The following XYLT1 variants were observed in gnomAD, a reference collection of about 807,000 sequenced individuals.
The protein encoded by XYLT1 is xylosyltransferase 1, also known as beta-D-xylosyltransferase 1.
XYLT1 carries 36 observed loss-of-function variants against 91.3 expected under a neutral mutation model. The ratio of observed to expected loss-of-function variants is 0.39; its 90% CI spans 0.30 to 0.52. XYLT1 has a LOEUF of 0.52. Ranked by LOEUF, XYLT1 falls within the 20% of genes least tolerant of loss-of-function variation. XYLT1 has a pLI of 0.68. For synonymous variants in XYLT1, 588 were observed against 532.0 expected (o/e 1.11, Z -1.45); for missense variants, 1,242 against 1,284.5 (o/e 0.97, Z 0.51).
Position 17,181,515 on chromosome 16 carries a change from T to A in XYLT1, c.1289+16697A>T, listed in dbSNP as rs1041292377. 2.6e-5 allele frequency among the ~76,000 whole-genome samples: 4 copies of A among 152,158 alleles called. No homozygotes were observed. In the South Asian group the frequency reaches 8.3e-4, roughly 32 times the overall value. On this transcript the variant is annotated intron_variant, in intron 5 of 11. Coordinates refer to ENST00000261381, the MANE Select transcript of XYLT1 (RefSeq NM_022166.4). ...TGTTAAAAAATGCCCAATTCCGGAT[T>A]AGGTCCTGTGTTCCACTATCTTTCA...
chr16:17,172,113 G>C (rs2031833927), intron 5 of XYLT1, among the ~76,000 whole-genome samples: 1 of 152,184 alleles, frequency 6.6e-6, no homozygotes, highest in Non-Finnish European at 1.5e-5. Flanking sequence ...TGGGTACTCG[G>C]TGTACAGTAA....
rs559235806 is a variant in XYLT1, at chr16:17,369,383, G to GA, written c.364-11334dup. On this transcript the variant is annotated intron_variant, in intron 1 of 11. Coordinates refer to ENST00000261381, the MANE Select transcript of XYLT1 (RefSeq NM_022166.4). ...GATATTCTGATTTGTGGCTTTTCGT[G>GA]AAATGTGGAAAGATCTGACCCACTG... Among the ~76,000 whole-genome samples the GA allele has an allele frequency of 8.7e-4, 133 of 152,194 alleles. 1 individual carries two copies. Among genetic ancestry groups the GA allele is most frequent in the African/African-American group, 3.1e-3 (129 of 41,530 alleles).
chr16:17,410,450 G>A (rs758408291), intron 1 of XYLT1, among the ~76,000 whole-genome samples: 45 of 152,012 alleles, frequency 3.0e-4, no homozygotes, highest in Non-Finnish European at 5.6e-4. Context: ...GAGCTTGTGC[G>A]GGAAATTTCC....
chr16:17,401,703 TG>T (rs2035970862), intron 1 of XYLT1, among the ~76,000 whole-genome samples: 1 of 151,590 alleles, frequency 6.6e-6, no homozygotes, highest in Non-Finnish European at 1.5e-5. Context: ...TTAGTGGCTA[TG>T]GTTATTATTA....
chr16:17,377,151 T>C (rs2035612664), intron 1 of XYLT1, among the ~76,000 whole-genome samples: 1 of 115,398 alleles, frequency 8.7e-6, no homozygotes, highest in Non-Finnish European at 1.7e-5. Flanking sequence ...CACTCCAGCC[T>C]AGGTGACAGA....
chr16:17,111,595 G>C (rs1242954584), intron 11 of XYLT1, among the ~76,000 whole-genome samples: 1 of 152,194 alleles, frequency 6.6e-6, no homozygotes, highest in Admixed American at 6.5e-5. Flanking sequence ...CAAGTGTCCA[G>C]AGCAGGCAAG....
At chr16:17,142,241 C>T (rs944244014) in intron 6 of XYLT1, among the ~76,000 whole-genome samples, 2 of 152,128 alleles carry the variant, frequency 1.3e-5, no homozygotes, top group South Asian at 2.1e-4. Flanking sequence ...CTTAGGCTGG[C>T]GTAAAACTCC....
At chr16:17,283,574 G>C (rs145928403) in intron 2 of XYLT1, among the ~76,000 whole-genome samples, 52 of 152,292 alleles carry the variant, frequency 3.4e-4, no homozygotes, top group Non-Finnish European at 2.1e-4. Flanking sequence ...TTCCCACTCA[G>C]TAATAACAAC....
At chr16:17,457,958 T>A (rs2036766596) in intron 1 of XYLT1, among the ~76,000 whole-genome samples, 1 of 152,198 alleles carries the variant, frequency 6.6e-6, no homozygotes, top group African/African-American at 2.4e-5. Flanking sequence ...CTTTTTCACA[T>A]CCCCAAAGAA....
intron 1 of XYLT1, among the ~76,000 whole-genome samples, chr16:17,456,080 A>C (rs1171342960): frequency 6.6e-6 from 1 of 152,168 alleles, no homozygotes; most frequent in East Asian, 1.9e-4. Flanking sequence ...TATGGATGGA[A>C]GGTGGAGGCC....
At chr16:17,161,677 G>GGTCTCT (rs1555484023) in intron 5 of XYLT1, among the ~76,000 whole-genome samples, 1 of 148,896 alleles carries the variant, frequency 6.7e-6, no homozygotes, top group South Asian at 2.1e-4. Flanking sequence ...TTTCTCGCGC[G>GGTCTCT]CTCTCTCTCT....
At chr16:17,243,472 G>A (rs1321873932) in intron 3 of XYLT1, among the ~76,000 whole-genome samples, 1 of 152,132 alleles carries the variant, frequency 6.6e-6, no homozygotes, top group Admixed American at 6.5e-5. Context: ...GGAAAAAGGG[G>A]CTCCATTACT....
At chr16:17,307,381 G>T (rs1408608834) in intron 2 of XYLT1, among the ~76,000 whole-genome samples, 1 of 152,178 alleles carries the variant, frequency 6.6e-6, no homozygotes, top group Non-Finnish European at 1.5e-5. Flanking sequence ...GGCCGAGTCT[G>T]CAGTTTTAAT....
At chr16:17,343,558 T>A (rs974572469) in intron 2 of XYLT1, among the ~76,000 whole-genome samples, 1 of 152,076 alleles carries the variant, frequency 6.6e-6, no homozygotes. Flanking sequence ...GCAACCTCCA[T>A]CTCCTGGCCT....
chr16:17,136,538 G>T (rs890168264), intron 8 of XYLT1, among the ~76,000 whole-genome samples: 1 of 152,082 alleles, frequency 6.6e-6, no homozygotes, highest in African/African-American at 2.4e-5. Flanking sequence ...CCTTAAAATG[G>T]GTTACTAGCA....
chr16:17,457,449 C>T (rs1377446619), intron 1 of XYLT1, among the ~76,000 whole-genome samples: 1 of 152,168 alleles, frequency 6.6e-6, no homozygotes, highest in Admixed American at 6.5e-5. Context: ...CAGCAGTCAG[C>T]CTCCAGGCCA....
intron 8 of XYLT1, among the ~76,000 whole-genome samples, chr16:17,137,831 A>T (rs989933719): frequency 1.3e-5 from 2 of 152,228 alleles, no homozygotes; most frequent in African/African-American, 4.8e-5. Flanking sequence ...ATTCGTCGAT[A>T]TCACTGATGA....
intron 3 of XYLT1, among the ~76,000 whole-genome samples, chr16:17,216,996 T>A (rs2032873224): frequency 6.6e-6 from 1 of 152,174 alleles, no homozygotes; most frequent in Admixed American, 6.5e-5. Context: ...CCTAGGAGAG[T>A]GTCTGGTGAC....
At chr16:17,182,691 G>A (rs2032098361) in intron 5 of XYLT1, among the ~76,000 whole-genome samples, 1 of 133,828 alleles carries the variant, frequency 7.5e-6, no homozygotes, top group South Asian at 2.9e-4. Context: ...GGCATATGTG[G>A]GGGGTGGGGT....
Sources: gnomAD v4.1 joint callset for allele counts (sites outside exome capture counted in the v4.1 genomes callset) on GRCh38, gnomAD v4.1.1 for gene constraint, MANE v1.5 for transcripts, NCBI Gene and HGNC (gene_info 2026-07-23, HGNC 2026-07-21) for gene names.